Variants in PCDH9 observed in about 807,000 individuals in gnomAD.
PCDH9 encodes protocadherin-9.
A neutral mutation model predicts 70.6 loss-of-function variants in PCDH9; 24 were observed. The observed-to-expected ratio is 0.34, with a 90% CI of 0.25 to 0.48. The LOEUF (loss-of-function observed/expected upper bound fraction) is 0.48, where lower values mean the gene tolerates loss of function less well. PCDH9 is among the 20% of genes least tolerant of loss of function. The probability of loss-of-function intolerance (pLI) is 0.99; values close to 1 mark genes in which losing one functional copy is unlikely to be tolerated. For synonymous variants in PCDH9, 562 were observed against 558.5 expected (o/e 1.01, Z -0.09); for missense variants, 1,281 against 1,503.6 (o/e 0.85, Z 2.45).
intron 2 of PCDH9, among the ~76,000 whole-genome samples, chr13:66,976,331 G>T (rs1312302336): frequency 6.6e-6 from 1 of 152,082 alleles, no homozygotes; most frequent in Non-Finnish European, 1.5e-5. Flanking sequence ...TCTATGTAAA[G>T]TAGTCAATCT....
chr13:67,138,727 T>C (rs1283893138), intron 2 of PCDH9, among the ~76,000 whole-genome samples: 1 of 152,118 alleles, frequency 6.6e-6, no homozygotes, highest in East Asian at 1.9e-4. Context: ...TTGTCCTTGC[T>C]TTGTTTGTGC....
chr13:67,164,595 A>C (rs1426659871), intron 2 of PCDH9, among the ~76,000 whole-genome samples: 3 of 151,828 alleles, frequency 2.0e-5, no homozygotes, highest in African/African-American at 2.4e-5. Flanking sequence ...AAAAAAGAAA[A>C]AAAAGAAAAA....
At chr13:66,567,645 T>C (rs950087133) in intron 4 of PCDH9, among the ~76,000 whole-genome samples, 1 of 152,190 alleles carries the variant, frequency 6.6e-6, no homozygotes, top group Non-Finnish European at 1.5e-5. Flanking sequence ...TTTAGAGAAA[T>C]ATTTAGTGAA....
chr13:66,552,970 G>A (rs1259966679), intron 4 of PCDH9, among the ~76,000 whole-genome samples: 4 of 152,048 alleles, frequency 2.6e-5, no homozygotes, highest in Admixed American at 1.3e-4. Flanking sequence ...GCCAAAGGGG[G>A]AAAATTCCCT....
At position 66,533,382 on chromosome 13, in the gene PCDH9, A is replaced by AT. The variant is rs34218260; in HGVS notation, c.3340+97827dup. Among the ~76,000 whole-genome samples the AT allele has an allele frequency of 2.3e-4, 35 of 151,480 alleles. No individual in the cohort carries two copies. In the South Asian group the frequency reaches 3.1e-3, roughly 14 times the overall value. On this transcript the variant is annotated intron_variant, in intron 4 of 4. Coordinates refer to ENST00000377865, the MANE Select transcript of PCDH9 (RefSeq NM_203487.3). ...CACCCCTTTCTATATCTCATGGTTG[A>AT]TTTTTTTTTAGTTAAATATTAATGA...
intron 4 of PCDH9, among the ~76,000 whole-genome samples, chr13:66,474,819 T>A (rs533225508): frequency 2.6e-5 from 4 of 152,182 alleles, no homozygotes; most frequent in Non-Finnish European, 5.9e-5. Context: ...AAATGTGAAA[T>A]TCCAGAGTTC....
intron 3 of PCDH9, among the ~76,000 whole-genome samples, chr13:66,677,374 G>A (rs1348157374): frequency 6.6e-6 from 1 of 152,028 alleles, no homozygotes; most frequent in Non-Finnish European, 1.5e-5. Flanking sequence ...TAAGTAAACT[G>A]GTTTAAAATG....
chr13:67,223,375 C>T (rs2089776570), intron 2 of PCDH9: 1 of 151,650 alleles, frequency 6.6e-6, no homozygotes, highest in African/African-American at 2.4e-5. Context: ...CACGTATAGA[C>T]AGAAAAAAAG....
intron 2 of PCDH9, among the ~76,000 whole-genome samples, chr13:67,036,144 A>G (rs766287964): frequency 1.3e-5 from 2 of 152,222 alleles, no homozygotes; most frequent in Non-Finnish European, 2.9e-5. Flanking sequence ...CAAAAAACAT[A>G]AAGTGCCACA....
At chr13:66,437,362 T>G (rs921286301) in intron 4 of PCDH9, among the ~76,000 whole-genome samples, 1 of 115,072 alleles carries the variant, frequency 8.7e-6, no homozygotes, top group Admixed American at 1.3e-4. Flanking sequence ...CCGAGATCGC[T>G]CCACCGCACT....
At chr13:67,196,433 T>G (rs1269694492) in intron 2 of PCDH9, among the ~76,000 whole-genome samples, 1 of 151,974 alleles carries the variant, frequency 6.6e-6, no homozygotes, top group African/African-American at 2.4e-5. Context: ...AAGAAAAACT[T>G]CTTCCATCTC....
intron 4 of PCDH9, among the ~76,000 whole-genome samples, chr13:66,489,479 T>A (rs1958998437): frequency 6.6e-6 from 1 of 152,010 alleles, no homozygotes; most frequent in Admixed American, 6.6e-5. Context: ...CCCAGCAAAT[T>A]TTTTCTATTT....
chr13:67,014,675 A>G (rs894675092), intron 2 of PCDH9, among the ~76,000 whole-genome samples: 1 of 151,970 alleles, frequency 6.6e-6, no homozygotes, highest in African/African-American at 2.4e-5. Flanking sequence ...CTATTAACTG[A>G]CTTCTTTACA....
At chr13:66,411,637 T>C (rs1463462166) in intron 4 of PCDH9, among the ~76,000 whole-genome samples, 1 of 148,200 alleles carries the variant, frequency 6.7e-6, no homozygotes, top group African/African-American at 2.6e-5. Flanking sequence ...GACAGATATA[T>C]AGATGATGGA....
At chr13:67,057,291 T>C (rs1213385731) in intron 2 of PCDH9, among the ~76,000 whole-genome samples, 1 of 151,982 alleles carries the variant, frequency 6.6e-6, no homozygotes, top group Non-Finnish European at 1.5e-5. Context: ...TGGAACTAAC[T>C]GGGTCTTAAT....
intron 2 of PCDH9, among the ~76,000 whole-genome samples, chr13:66,969,490 AG>A (rs1185109763): frequency 1.3e-5 from 2 of 152,080 alleles, no homozygotes; most frequent in Admixed American, 6.6e-5. Flanking sequence ...GTCAGGTGAA[AG>A]AATGTTGTAC....
chr13:66,786,128 T>C (rs540203420), intron 3 of PCDH9, among the ~76,000 whole-genome samples: 3 of 152,180 alleles, frequency 2.0e-5, no homozygotes, highest in Non-Finnish European at 4.4e-5. Flanking sequence ...CATGGCTAAT[T>C]AGCACCCATG....
At chr13:66,943,910 C>T (rs1196621243) in intron 2 of PCDH9, among the ~76,000 whole-genome samples, 2 of 151,978 alleles carry the variant, frequency 1.3e-5, no homozygotes, top group African/African-American at 4.8e-5. Flanking sequence ...CTTTCTGAAT[C>T]CTTGCCTTCC....
At chr13:67,195,536 C>T (rs891376791) in intron 2 of PCDH9, among the ~76,000 whole-genome samples, 1 of 152,130 alleles carries the variant, frequency 6.6e-6, no homozygotes, top group Non-Finnish European at 1.5e-5. Context: ...TAATTCGTTA[C>T]TCTTAAGACA....
Sources: allele counts gnomAD v4.1 joint callset (sites outside exome capture counted in the v4.1 genomes callset), GRCh38; gene constraint gnomAD v4.1.1; transcripts MANE v1.5; gene names NCBI Gene and HGNC (gene_info 2026-07-23, HGNC 2026-07-21).